ACOXL: variants seen among roughly 807,000 people sequenced by gnomAD.
ACOXL encodes acyl-CoA oxidase like.
ACOXL carries 70 observed loss-of-function variants against 71.9 expected under a neutral mutation model. The ratio of observed to expected loss-of-function variants is 0.97; its 90% CI spans 0.80 to 1.19. The LOEUF (loss-of-function observed/expected upper bound fraction) is 1.19. Among genes scored for constraint, ACOXL ranks in the 50% most tolerant of loss-of-function variants. The pLI is 0.00. For synonymous variants in ACOXL, 253 were observed against 281.6 expected (o/e 0.90, Z 1.02); for missense variants, 703 against 736.3 (o/e 0.95, Z 0.52).
At chr2:111,002,160 C>T (rs1002752581) in intron 14 of ACOXL, among the ~76,000 whole-genome samples, 3 of 152,204 alleles carry the variant, frequency 2.0e-5, no homozygotes, top group Non-Finnish European at 4.4e-5. Context: ...CTGGGACAGA[C>T]AGCCAGCAAC....
chr2:110,804,855 G>C (rs977641177), intron 8 of ACOXL, among the ~76,000 whole-genome samples: 2 of 152,014 alleles, frequency 1.3e-5, no homozygotes, highest in African/African-American at 4.8e-5. Flanking sequence ...GGGACTGCTA[G>C]TGGGGTGGGG....
intron 13 of ACOXL, among the ~76,000 whole-genome samples, chr2:110,995,252 C>G (rs987222203): frequency 1.3e-5 from 2 of 151,662 alleles, no homozygotes; most frequent in African/African-American, 4.8e-5. Flanking sequence ...GTAATCCCAG[C>G]ACTTTGGGAG....
rs551498886 is a variant in ACOXL at position 110,943,488 on chromosome 2, G to C, written c.1059+9846G>C. ...ATGGTGAAGCTACAACCAGAGGAGA[G>C]GGGGAAATCACCCCTGGAGCACCTG... On this transcript the variant is annotated intron_variant, in intron 12 of 17. Transcript: ENST00000439055. 8.3e-4 allele frequency among the ~76,000 whole-genome samples: 126 copies of C among 152,218 alleles called. 3 individuals are homozygous for C. The highest frequency in any genetic ancestry group is 2.9e-3 in the African/African-American group (122 of 41,536).
intron 15 of ACOXL, among the ~76,000 whole-genome samples, chr2:111,037,393 C>T (rs996661563): frequency 5.9e-5 from 9 of 152,102 alleles, no homozygotes; most frequent in Non-Finnish European, 1.2e-4. Flanking sequence ...GACTCTGTTG[C>T]CCTGGGGAGA....
At chr2:111,068,712 C>A (rs78710793) in intron 16 of ACOXL, among the ~76,000 whole-genome samples, 2 of 152,186 alleles carry the variant, frequency 1.3e-5, no homozygotes, top group African/African-American at 4.8e-5. Flanking sequence ...TGGTCACCGA[C>A]GGGTTTCTTT....
At chr2:110,823,976 ATTTG>A (rs1465157681) in intron 9 of ACOXL, among the ~76,000 whole-genome samples, 1 of 152,138 alleles carries the variant, frequency 6.6e-6, no homozygotes, top group African/African-American at 2.4e-5. Context: ...ATAAAGTCTA[ATTTG>A]TTTGTTTTTT....
intron 10 of ACOXL, among the ~76,000 whole-genome samples, chr2:110,871,809 T>C (rs1695316977): frequency 6.6e-6 from 1 of 152,100 alleles, no homozygotes; most frequent in East Asian, 1.9e-4. Flanking sequence ...CCAACACTCA[T>C]AGTGACCTGG....
Position 110,794,155 on chromosome 2 carries a change from C to T in ACOXL, c.326C>T (p.Thr109Ile), listed in dbSNP as rs1207281249. 6.2e-7 allele frequency: 1 copy of T among 1,614,170 alleles called. No homozygotes were observed. Among genetic ancestry groups the T allele is most frequent in the African/African-American group, 1.3e-5 (1 of 75,046 alleles). ...GCGAGAGGGATCCAGACCGAAGCCA[C>T]CTTTGACCTCTCTGCCCAGGTGAGG... The part of the protein sequence containing the change: ...SNARGIQTEA[T>I]FDLSAQEFVI... Residue 109 changes from threonine (T) to isoleucine (I), a missense_variant, in exon 5 of 18, where the codon ACC (threonine) becomes ATC (isoleucine). Physicochemically the swap from Thr to Ile is moderately conservative, Grantham distance 89. Coordinates refer to ENST00000439055, the MANE Select transcript of ACOXL (RefSeq NM_001142807.4).
intron 17 of ACOXL, among the ~76,000 whole-genome samples, chr2:111,116,169 A>T (rs144479517): frequency 7.9e-5 from 12 of 152,352 alleles, no homozygotes; most frequent in Middle Eastern, 6.8e-3. Context: ...GTGTGGTTAA[A>T]GACGTTGAGA....
intron 12 of ACOXL, among the ~76,000 whole-genome samples, chr2:110,982,805 G>GA (rs1367427998): frequency 1.3e-5 from 2 of 152,202 alleles, no homozygotes; most frequent in African/African-American, 4.8e-5. Context: ...AGTCCTGTTG[G>GA]AACCCCTAGG....
chr2:110,881,418 A>G (rs563703062), intron 10 of ACOXL, among the ~76,000 whole-genome samples: 141 of 152,058 alleles, frequency 9.3e-4, no homozygotes, highest in African/African-American at 3.4e-3. Context: ...TATTTTGTTA[A>G]CTCTTTTAAT....
intron 12 of ACOXL, among the ~76,000 whole-genome samples, chr2:110,934,902 G>A (rs977663167): frequency 3.9e-5 from 6 of 152,170 alleles, no homozygotes; most frequent in Admixed American, 6.5e-5. Flanking sequence ...CTGGCCTAGG[G>A]TGCAGCTGGC....
chr2:111,038,050 C>T (rs1246087339), intron 15 of ACOXL, among the ~76,000 whole-genome samples: 2 of 152,138 alleles, frequency 1.3e-5, no homozygotes, highest in Non-Finnish European at 1.5e-5. Context: ...GCCCTAGGAC[C>T]GTATGGAGCA....
chr2:110,776,298 T>C (rs1244196429), intron 2 of ACOXL, among the ~76,000 whole-genome samples: 1 of 152,138 alleles, frequency 6.6e-6, no homozygotes, highest in South Asian at 2.1e-4. Context: ...TTAATGGGTG[T>C]AGATTTTCAG....
intron 11 of ACOXL, among the ~76,000 whole-genome samples, chr2:110,931,480 A>G (rs1017312801): frequency 1.3e-5 from 2 of 152,164 alleles, no homozygotes; most frequent in African/African-American, 4.8e-5. Flanking sequence ...GGTGATGATA[A>G]TATAGCATAG....
At chr2:110,939,212 C>G (rs1369774161) in intron 12 of ACOXL, among the ~76,000 whole-genome samples, 1 of 152,184 alleles carries the variant, frequency 6.6e-6, no homozygotes, top group Non-Finnish European at 1.5e-5. Flanking sequence ...AGGGCAGCTT[C>G]TTGGCTGAGC....
Position 111,003,550 on chromosome 2 carries a change from CAA to C in ACOXL, c.1281+7574_1281+7575del, listed in dbSNP as rs548001377. 2.1e-3 allele frequency among the ~76,000 whole-genome samples: 74 copies of C among 35,314 alleles called. No individual in the cohort carries two copies. In the Admixed American group the frequency reaches 0.023, roughly 11 times the overall value. 23.2% of individuals were successfully genotyped at this position (35,314 alleles called of 152,430 possible). A position where few individuals can be genotyped will look rare whatever the true frequency, so the allele number is the denominator to read the frequency against. ...TGGGCGACAGGGCGAGACTCTGTCT[CAA>C]AAAAAAAAAAAAAAAAAAAAAAAAA... On this transcript the variant is annotated intron_variant, in intron 14 of 17. Transcript: ENST00000439055.
intron 12 of ACOXL, among the ~76,000 whole-genome samples, chr2:110,962,406 T>A (rs1202519609): frequency 1.3e-5 from 2 of 152,238 alleles, no homozygotes; most frequent in Non-Finnish European, 2.9e-5. Context: ...TACTTACTCA[T>A]AAGCACAATC....
rs566495774 is a variant in ACOXL at position 110,898,369 on chromosome 2, G to A, written c.789-10420G>A. ...GCAAAATATTAGGAAATGGAATTTAGCAATATAAAAAAACTATATATCACA... is the reference window on the plus strand; with the variant it reads ...GCAAAATATTAGGAAATGGAATTTAACAATATAAAAAAACTATATATCACA... On this transcript the variant is annotated intron_variant, in intron 10 of 17. Transcript: ENST00000439055. 7.2e-5 allele frequency among the ~76,000 whole-genome samples: 11 copies of A among 152,184 alleles called. No individual in the cohort carries two copies. In the East Asian group the frequency reaches 1.9e-3, roughly 27 times the overall value.
Sources: allele counts gnomAD v4.1 joint callset (sites outside exome capture counted in the v4.1 genomes callset), GRCh38; gene constraint gnomAD v4.1.1; transcripts MANE v1.5; gene names NCBI Gene and HGNC (gene_info 2026-07-23, HGNC 2026-07-21).